Variants in MOGAT1 observed in about 807,000 individuals in gnomAD.
MOGAT1 encodes the protein 2-acylglycerol O-acyltransferase 1.
In MOGAT1, 32 loss-of-function variants were observed where a neutral mutation model predicts 31.4. That is an observed-to-expected ratio of 1.02 (90% confidence interval 0.77 to 1.37). The LOEUF (loss-of-function observed/expected upper bound fraction) is 1.37. Among genes scored for constraint, MOGAT1 ranks in the 40% most tolerant of loss-of-function variants. The pLI is 0.00. For synonymous variants in MOGAT1, 145 were observed against 144.5 expected (o/e 1.00, Z -0.03); for missense variants, 426 against 402.0 (o/e 1.06, Z -0.51).
At chr2:222,685,724 C>T (rs1158619371) in intron 1 of MOGAT1, among the ~76,000 whole-genome samples, 3 of 151,188 alleles carry the variant, frequency 2.0e-5, no homozygotes, top group South Asian at 4.2e-4. Context: ...CCTCAACCTC[C>T]GAAATAGCTG....
At chr2:222,681,449 G>C (rs1692579578) in intron 1 of MOGAT1, among the ~76,000 whole-genome samples, 1 of 152,182 alleles carries the variant, frequency 6.6e-6, no homozygotes, top group Admixed American at 6.5e-5. Context: ...TACCCAGGTA[G>C]GGGTCTGAAA....
In MOGAT1 at chr2:222,672,888, G is replaced by GTTT. The variant is rs1292435305; in HGVS notation, c.94+1010_94+1012dup. Among the ~76,000 whole-genome samples the GTTT allele has an allele frequency of 6.9e-3, 446 of 64,516 alleles. 4 individuals carry two copies. The highest frequency in any genetic ancestry group is 0.019 in the African/African-American group (420 of 21,786). 42.3% of individuals were successfully genotyped at this position (64,516 alleles called of 152,430 possible). On this transcript the variant is annotated intron_variant, in intron 1 of 5. Transcript: ENST00000446656. ...ATGCCCAGGCTCCATCCTGGAATTT[G>GTTT]TTTATTATTATTATTATTATTATTA...
chr2:222,678,979 C>T (rs904568318), intron 1 of MOGAT1, among the ~76,000 whole-genome samples: 1 of 152,096 alleles, frequency 6.6e-6, no homozygotes, highest in African/African-American at 2.4e-5. Flanking sequence ...TCCAAGGTCA[C>T]AAAAATTTTC....
At chr2:222,700,806 T>G (rs904920164) in intron 5 of MOGAT1, among the ~76,000 whole-genome samples, 11 of 152,200 alleles carry the variant, frequency 7.2e-5, no homozygotes, top group Admixed American at 7.2e-4. Flanking sequence ...TGTAAATGAC[T>G]GTGTTCATTT....
chr2:222,691,291 T>C (rs145410967), intron 3 of MOGAT1, among the ~76,000 whole-genome samples: 2 of 152,284 alleles, frequency 1.3e-5, no homozygotes, highest in African/African-American at 4.8e-5. Flanking sequence ...CATTGCGACC[T>C]CTGCCTCCCT....
At chr2:222,674,612 C>T (rs1173190173) in intron 1 of MOGAT1, among the ~76,000 whole-genome samples, 2 of 152,256 alleles carry the variant, frequency 1.3e-5, no homozygotes, top group East Asian at 3.9e-4. Flanking sequence ...CACCCTCCAC[C>T]CTCATGTAGG....
chr2:222,708,211 G>A (rs1693035773), intron 5 of MOGAT1, among the ~76,000 whole-genome samples: 1 of 152,064 alleles, frequency 6.6e-6, no homozygotes, highest in African/African-American at 2.4e-5. Context: ...AGCCTCCCGG[G>A]TAGCTGGGAT....
intron 1 of MOGAT1, among the ~76,000 whole-genome samples, chr2:222,673,346 A>AAAAAAAAAAG (rs1553561040): frequency 6.6e-6 from 1 of 151,010 alleles, no homozygotes; most frequent in Non-Finnish European, 1.5e-5. Context: ...AAAAAAAAAA[A>AAAAAAAAAAG]TGTAATTCAA....
chr2:222,694,270 T>G, intron 3 of MOGAT1, 92 bp from the exon 4 acceptor site: 1 of 1,242,660 alleles, frequency 8.0e-7, no homozygotes, highest in Non-Finnish European at 1.1e-6. Flanking sequence ...GAAATTTTGT[T>G]AAATGTTTAC....
intron 3 of MOGAT1, among the ~76,000 whole-genome samples, chr2:222,689,844 C>T (rs2106037528): frequency 6.6e-6 from 1 of 152,336 alleles, no homozygotes; most frequent in East Asian, 1.9e-4. Context: ...ACCATGCATG[C>T]TGTTACGAAT....
At chr2:222,709,187 G>A (rs992977485) in intron 5 of MOGAT1, among the ~76,000 whole-genome samples, 1 of 152,142 alleles carries the variant, frequency 6.6e-6, no homozygotes, top group Non-Finnish European at 1.5e-5. Context: ...GCATGGTGGT[G>A]GGAGCCTGTA....
At chr2:222,671,977 T>C (rs1692425866) in intron 1 of MOGAT1, 98 bp downstream of exon 1, 3 of 974,860 alleles carry the variant, frequency 3.1e-6, no homozygotes, top group Non-Finnish European at 4.7e-6. Flanking sequence ...CCAACCCTCG[T>C]TCCCCTGTCG....
intron 1 of MOGAT1, among the ~76,000 whole-genome samples, chr2:222,673,775 G>T (rs1388787167): frequency 1.3e-5 from 2 of 152,184 alleles, no homozygotes; most frequent in Non-Finnish European, 2.9e-5. Flanking sequence ...ATCATTGCTT[G>T]TATCTGTGTA....
At chr2:222,677,178 G>A (rs1692511230) in intron 1 of MOGAT1, among the ~76,000 whole-genome samples, 1 of 152,116 alleles carries the variant, frequency 6.6e-6, no homozygotes, top group East Asian at 1.9e-4. Flanking sequence ...AGCTTCTATA[G>A]TTTCCACTTT....
At chr2:222,697,349 G>A (rs1005611646) in intron 5 of MOGAT1, among the ~76,000 whole-genome samples, 11 of 152,136 alleles carry the variant, frequency 7.2e-5, no homozygotes, top group Admixed American at 4.6e-4. Context: ...CAGTAATTAC[G>A]TTTATTATTA....
At chr2:222,683,048 A>G (rs538982766) in intron 1 of MOGAT1, among the ~76,000 whole-genome samples, 1 of 152,172 alleles carries the variant, frequency 6.6e-6, no homozygotes, top group Admixed American at 6.5e-5. Flanking sequence ...TACAAAAACT[A>G]CAAAAATTAG....
rs1692823978 is a variant in MOGAT1, at chr2:222,695,291, A to G, written c.853+3A>G. ...TAGGAAAGCCATCCACACTGTTGGT[A>G]TGTACATAAAATAACTACAACTATT... On this transcript the variant is annotated splice_donor_region_variant and intron_variant, in intron 5 of 5. Coordinates refer to ENST00000446656, the MANE Select transcript of MOGAT1 (RefSeq NM_058165.3). 1.3e-6 allele frequency: 2 copies of G among 1,589,624 alleles called. No homozygotes were observed. The highest frequency in any genetic ancestry group is 1.3e-5 in the African/African-American group (1 of 74,134).
At chr2:222,709,679 C>T (rs1559236105) in intron 5 of MOGAT1, 57 bp from the exon 6 acceptor site, 19 of 1,518,904 alleles carry the variant, frequency 1.3e-5, no homozygotes, top group South Asian at 2.4e-5. Flanking sequence ...TTAGGGGCGG[C>T]GGTCTGTGGT....
At chr2:222,708,490 C>T (rs941949026) in intron 5 of MOGAT1, among the ~76,000 whole-genome samples, 1 of 152,194 alleles carries the variant, frequency 6.6e-6, no homozygotes, top group Non-Finnish European at 1.5e-5. Flanking sequence ...TTCTAAAAAT[C>T]AGAGACAAGT....
Sources: allele counts gnomAD v4.1 joint callset (sites outside exome capture counted in the v4.1 genomes callset), GRCh38; gene constraint gnomAD v4.1.1; transcripts MANE v1.5; gene names NCBI Gene and HGNC (gene_info 2026-07-23, HGNC 2026-07-21).